Variants in MALRD1 observed in about 807,000 individuals in gnomAD.
MALRD1 encodes MAM and LDL receptor class A domain containing 1, also known as MAM and LDL-receptor class A domain-containing protein 1.
MALRD1 carries 247 observed loss-of-function variants against 242.1 expected under a neutral mutation model. The ratio of observed to expected loss-of-function variants is 1.02; its 90% confidence interval spans 0.92 to 1.13. The LOEUF is 1.13. Among genes scored for constraint, MALRD1 ranks in the 50% most tolerant of loss-of-function variants. MALRD1 has a pLI of 0.00. For missense variants in MALRD1, 2,989 were observed against 2,533.1 expected, an observed-to-expected ratio of 1.18 and a Z score of -3.86; for synonymous variants, 995 against 866.6, an observed-to-expected ratio of 1.15 and a Z score of -2.60.
At chr10:19,656,239 A>T (rs1841147377) in intron 36 of MALRD1, among the ~76,000 whole-genome samples, 1 of 152,066 alleles carries the variant, frequency 6.6e-6, no homozygotes, top group Non-Finnish European at 1.5e-5. Flanking sequence ...GTGTTTAGAG[A>T]CTCCAAGCCA....
intron 18 of MALRD1, among the ~76,000 whole-genome samples, chr10:19,212,994 G>C (rs1837141375): frequency 6.6e-6 from 1 of 152,026 alleles, no homozygotes. Flanking sequence ...CCTTTTATCA[G>C]ATATATGAAT....
At chr10:19,192,539 A>G (rs1276856456) in intron 14 of MALRD1, among the ~76,000 whole-genome samples, 1 of 151,950 alleles carries the variant, frequency 6.6e-6, no homozygotes, top group African/African-American at 2.4e-5. Context: ...AGCCACAAGA[A>G]ACTGAATTCT....
chr10:19,584,509 G>T lies in MALRD1; in HGVS notation c.5681-10685G>T, dbSNP rs373206691. On this transcript the variant is annotated intron_variant, in intron 33 of 39. Transcript: ENST00000454679. ...CCAGTAGTCATTCAGGAGCAGGTTG[G>T]TCAGTTTCCATGTAGTTGAGCGGTT... 5.3e-3 allele frequency among the ~76,000 whole-genome samples: 807 copies of T among 151,274 alleles called. 5 individuals are homozygous for T. The highest frequency in any genetic ancestry group is 0.012 in the Admixed American group (175 of 15,134).
chr10:19,364,953 A>G (rs1355258231), intron 26 of MALRD1, among the ~76,000 whole-genome samples: 2 of 152,136 alleles, frequency 1.3e-5, no homozygotes, highest in Non-Finnish European at 2.9e-5. Context: ...TCTGAGTGCT[A>G]TTATTTCAAC....
At chr10:19,383,261 T>C (rs1038476673) in intron 26 of MALRD1, among the ~76,000 whole-genome samples, 1 of 152,060 alleles carries the variant, frequency 6.6e-6, no homozygotes, top group Non-Finnish European at 1.5e-5. Context: ...TGTCCGTATG[T>C]CCTCAAAGTT....
intron 28 of MALRD1, among the ~76,000 whole-genome samples, chr10:19,410,849 A>G (rs1290588227): frequency 6.6e-6 from 1 of 152,186 alleles, no homozygotes; most frequent in Non-Finnish European, 1.5e-5. Context: ...TACTATGTCA[A>G]AAACTGAATT....
At chr10:19,172,217 A>C (rs571670265) in intron 13 of MALRD1, among the ~76,000 whole-genome samples, 1 of 149,188 alleles carries the variant, frequency 6.7e-6, no homozygotes, top group South Asian at 2.1e-4. Context: ...GTATATGTAT[A>C]TGTATATATC....
chr10:19,186,920 A>T (rs1835760613), intron 14 of MALRD1, among the ~76,000 whole-genome samples: 1 of 152,104 alleles, frequency 6.6e-6, no homozygotes, highest in African/African-American at 2.4e-5. Flanking sequence ...TCCCCACCTA[A>T]CACTAAGTGT....
chr10:19,057,784 TTATC>T (rs1458866566), intron 1 of MALRD1, among the ~76,000 whole-genome samples: 5 of 152,148 alleles, frequency 3.3e-5, no homozygotes, highest in East Asian at 3.9e-4. Context: ...TCTTCGAAGT[TTATC>T]TAGGAAAATG....
chr10:19,680,755 G>C (rs896281871), intron 36 of MALRD1, among the ~76,000 whole-genome samples: 1 of 152,120 alleles, frequency 6.6e-6, no homozygotes, highest in African/African-American at 2.4e-5. Context: ...ACTTCAGTGT[G>C]TTTTTGTAGT....
At chr10:19,132,717 T>A (rs190908492) in intron 8 of MALRD1, among the ~76,000 whole-genome samples, 16 of 152,272 alleles carry the variant, frequency 1.1e-4, no homozygotes, top group African/African-American at 3.6e-4. Context: ...ATTATGTCAA[T>A]CTTCACATTT....
At chr10:19,716,410 G>A (rs1834391707) in intron 38 of MALRD1, among the ~76,000 whole-genome samples, 1 of 152,198 alleles carries the variant, frequency 6.6e-6, no homozygotes, top group African/African-American at 2.4e-5. Context: ...TGTGGCACCT[G>A]CCCCAACTCT....
chr10:19,655,824 A>G (rs945713152), intron 36 of MALRD1, among the ~76,000 whole-genome samples: 3 of 151,984 alleles, frequency 2.0e-5, no homozygotes, highest in Non-Finnish European at 4.4e-5. Flanking sequence ...TTCAGGCAGT[A>G]GAGTGTATGG....
chr10:19,384,577 A>G (rs1417819238), intron 26 of MALRD1, among the ~76,000 whole-genome samples: 26 of 124,382 alleles, frequency 2.1e-4, no homozygotes, highest in African/African-American at 7.8e-4. Flanking sequence ...ATATAATATA[A>G]TATTTACTAT....
At chr10:19,644,965 GT>G (rs1167758921) in intron 36 of MALRD1, among the ~76,000 whole-genome samples, 1 of 152,056 alleles carries the variant, frequency 6.6e-6, no homozygotes, top group African/African-American at 2.4e-5. Context: ...AATTAATATT[GT>G]TTTGATAATA....
At chr10:19,322,596 T>C (rs536432276) in intron 21 of MALRD1, among the ~76,000 whole-genome samples, 1 of 152,286 alleles carries the variant, frequency 6.6e-6, no homozygotes, top group East Asian at 1.9e-4. Context: ...CTGCCTTAAA[T>C]TGACCATCTA....
intron 26 of MALRD1, among the ~76,000 whole-genome samples, chr10:19,367,883 A>G (rs751332505): frequency 2.6e-5 from 4 of 151,838 alleles, no homozygotes; most frequent in Admixed American, 6.6e-5. Flanking sequence ...TTTTCATACA[A>G]TTGTTGGCCA....
rs1018806710 is a variant in MALRD1 at position 19,491,641 on chromosome 10, C to T, written c.5154C>T (p.His1718=). 1.3e-6 allele frequency: 2 copies of T among 1,548,964 alleles called. No individual in the cohort carries two copies. The highest frequency in any genetic ancestry group is 2.4e-5 in the East Asian group (1 of 40,870). Residue 1718 remains histidine (H), a synonymous_variant, in exon 30 of 40, where the codon CAC becomes CAT. Transcript: ENST00000454679. The part of the protein sequence containing the change: ...PDCSDRSDEA[H]CAHYTSTTGS... ...GCTCTGATAGGTCTGATGAAGCTCA[C>T]TGTGGTAAGTTTATCTATCTGCTGT...
chr10:19,522,477 C>T (rs1436755717), intron 31 of MALRD1, among the ~76,000 whole-genome samples: 2 of 152,212 alleles, frequency 1.3e-5, no homozygotes, highest in East Asian at 3.9e-4. Context: ...TTGTCTTTGT[C>T]TTCCTCATGA....
Sources: gnomAD v4.1 joint callset for allele counts (sites outside exome capture counted in the v4.1 genomes callset) on GRCh38, gnomAD v4.1.1 for gene constraint, MANE v1.5 for transcripts, NCBI Gene and HGNC (gene_info 2026-07-23, HGNC 2026-07-21) for gene names.